Variants in GALNT17 observed in about 807,000 individuals in gnomAD.
GALNT17 encodes UDP-GalNAc:polypeptide N-acetylgalactosaminyltransferase-like 3.
GALNT17 carries 29 observed loss-of-function variants against 63.7 expected under a neutral mutation model. The ratio of observed to expected loss-of-function variants is 0.46; its 90% CI spans 0.34 to 0.62. GALNT17 has a LOEUF of 0.62. Ranked by LOEUF, GALNT17 falls within the 20% of genes least tolerant of loss-of-function variation. GALNT17 has a pLI of 0.01. For missense variants in GALNT17, 603 were observed against 799.6 expected, an observed-to-expected ratio of 0.75 and a Z score of 2.97; for synonymous variants, 305 against 318.3, an observed-to-expected ratio of 0.96 and a Z score of 0.45.
intron 1 of GALNT17, among the ~76,000 whole-genome samples, chr7:71,320,167 C>T (rs1357723633): frequency 1.3e-5 from 2 of 152,128 alleles, no homozygotes; most frequent in African/African-American, 4.8e-5. Flanking sequence ...GCATACTCTT[C>T]CCCTGAATTG....
At chr7:71,617,329 T>C (rs986149317) in intron 6 of GALNT17, among the ~76,000 whole-genome samples, 16 of 150,276 alleles carry the variant, frequency 1.1e-4, no homozygotes, top group Admixed American at 1.1e-3. Flanking sequence ...TTGGTTTTTT[T>C]GTTTTTTTTT....
chr7:71,374,723 G>C (rs1792688223), intron 2 of GALNT17, among the ~76,000 whole-genome samples: 1 of 24,176 alleles, frequency 4.1e-5, no homozygotes, highest in Non-Finnish European at 7.8e-5. Context: ...TTCAGGATGG[G>C]AAGGCATTTT....
chr7:71,645,843 A>G (rs1484772023), intron 6 of GALNT17, among the ~76,000 whole-genome samples: 1 of 152,126 alleles, frequency 6.6e-6, no homozygotes, highest in Non-Finnish European at 1.5e-5. Context: ...CCAATTGGCA[A>G]ATATCAAGCC....
intron 6 of GALNT17, among the ~76,000 whole-genome samples, chr7:71,606,974 T>G (rs952304773): frequency 3.3e-5 from 5 of 152,148 alleles, no homozygotes; most frequent in African/African-American, 1.2e-4. Flanking sequence ...AAATGGCCCA[T>G]CCCCACAAGA....
chr7:71,166,129 T>C (rs1325853489), intron 1 of GALNT17, among the ~76,000 whole-genome samples: 1 of 152,212 alleles, frequency 6.6e-6, no homozygotes, highest in Admixed American at 6.5e-5. Context: ...GCACATCTGT[T>C]GATTTTTCTT....
At chr7:71,288,999 G>A (rs73356037) in intron 1 of GALNT17, among the ~76,000 whole-genome samples, 6,954 of 152,190 alleles carry the variant, frequency 0.046, 540 homozygotes, top group African/African-American at 0.16. Flanking sequence ...GTCTGGTGAC[G>A]ACAGGTCCAG....
At chr7:71,662,540 C>T (rs1026631491) in intron 6 of GALNT17, among the ~76,000 whole-genome samples, 1 of 152,148 alleles carries the variant, frequency 6.6e-6, no homozygotes, top group Non-Finnish European at 1.5e-5. Flanking sequence ...TTAGCAGTCA[C>T]TCTACCTTCC....
intron 5 of GALNT17, among the ~76,000 whole-genome samples, chr7:71,422,282 A>G (rs1312184167): frequency 1.3e-5 from 2 of 152,082 alleles, no homozygotes; most frequent in Non-Finnish European, 2.9e-5. Context: ...GGCACCCTTC[A>G]TCACGTGACC....
Position 71,270,619 on chromosome 7 carries a change from A to G in GALNT17, c.239-64931A>G, listed in dbSNP as rs370813928. Among the ~76,000 whole-genome samples, 4 of 151,556 alleles carry G rather than the reference A, an allele frequency of 2.6e-5. No homozygotes were observed. The East Asian group carries it at 5.8e-4, about 22-fold the overall frequency. The stretch of plus-strand genomic sequence containing the variant: ...GAGAATAATATAATGGACTTAATGT[A>G]TGCATCACTTGGCTTCAGCAATTCT... On this transcript the variant is annotated intron_variant, in intron 1 of 10. Coordinates refer to ENST00000333538, the MANE Select transcript of GALNT17 (RefSeq NM_022479.3).
rs1789194279 is a variant in GALNT17 at position 71,202,534 on chromosome 7, T to C, written c.238+69494T>C. 1.3e-5 allele frequency among the ~76,000 whole-genome samples: 2 copies of C among 152,228 alleles called. 1 individual carries two copies. The highest frequency in any genetic ancestry group is 1.3e-4 in the Admixed American group (2 of 15,280). On this transcript the variant is annotated intron_variant, in intron 1 of 10. Transcript: ENST00000333538. The stretch of plus-strand genomic sequence containing the variant: ...CAAACATTTAATTAAGTAATGATTG[T>C]ATATCTTTATTAGGTACACTGTAAT...
intron 4 of GALNT17, among the ~76,000 whole-genome samples, chr7:71,419,670 G>A (rs985975736): frequency 7.9e-5 from 12 of 152,146 alleles, no homozygotes; most frequent in African/African-American, 2.7e-4. Flanking sequence ...GGACCAGGTG[G>A]TGAGTGAGGT....
intron 1 of GALNT17, among the ~76,000 whole-genome samples, chr7:71,206,478 A>G (rs566959661): frequency 5.9e-4 from 90 of 152,260 alleles, no homozygotes; most frequent in Non-Finnish European, 1.1e-3. Context: ...CATTTTGTAA[A>G]TAAGTCACAT....
intron 2 of GALNT17, among the ~76,000 whole-genome samples, chr7:71,363,497 C>G (rs1792444941): frequency 6.6e-6 from 1 of 152,200 alleles, no homozygotes; most frequent in South Asian, 2.1e-4. Flanking sequence ...CTGGACAGCT[C>G]CATCACCCCC....
chr7:71,466,439 AG>A (rs1439546239), intron 5 of GALNT17, among the ~76,000 whole-genome samples: 2 of 152,230 alleles, frequency 1.3e-5, no homozygotes, highest in African/African-American at 2.4e-5. Context: ...ATCACATGAC[AG>A]AGAGCAGACC....
chr7:71,292,332 G>C (rs1790993110), intron 1 of GALNT17, among the ~76,000 whole-genome samples: 1 of 152,172 alleles, frequency 6.6e-6, no homozygotes, highest in Non-Finnish European at 1.5e-5. Context: ...GGTGTTCTAA[G>C]TGCTGGGCTG....
intron 5 of GALNT17, among the ~76,000 whole-genome samples, chr7:71,437,547 C>G (rs934202916): frequency 6.6e-6 from 1 of 152,150 alleles, no homozygotes; most frequent in East Asian, 1.9e-4. Context: ...GTCGGCTCTG[C>G]GTGGCCGTCC....
intron 5 of GALNT17, among the ~76,000 whole-genome samples, chr7:71,444,337 C>G (rs1339791876): frequency 1.3e-5 from 2 of 152,152 alleles, no homozygotes; most frequent in African/African-American, 4.8e-5. Context: ...GCCACTTCCC[C>G]TTTCCTTCCT....
At chr7:71,507,259 A>G (rs1455200792) in intron 5 of GALNT17, among the ~76,000 whole-genome samples, 1 of 152,158 alleles carries the variant, frequency 6.6e-6, no homozygotes, top group Non-Finnish European at 1.5e-5. Context: ...AGTAAATAAA[A>G]TAAAAGGCAC....
intron 1 of GALNT17, among the ~76,000 whole-genome samples, chr7:71,316,955 T>C (rs1242454186): frequency 6.6e-6 from 1 of 152,134 alleles, no homozygotes; most frequent in Non-Finnish European, 1.5e-5. Context: ...GCCATTGAGG[T>C]TATTTTTTTC....
Sources: allele counts gnomAD v4.1 joint callset (sites outside exome capture counted in the v4.1 genomes callset), GRCh38; gene constraint gnomAD v4.1.1; transcripts MANE v1.5; gene names NCBI Gene and HGNC (gene_info 2026-07-23, HGNC 2026-07-21).